Variants in TRIM36 observed in about 807,000 individuals in gnomAD.
TRIM36 encodes the protein E3 ubiquitin-protein ligase TRIM36.
TRIM36 carries 42 observed loss-of-function variants against 72.4 expected under a neutral mutation model. That is an observed-to-expected ratio of 0.58 (90% confidence interval 0.45 to 0.75). TRIM36 has a LOEUF of 0.75. Ranked by LOEUF, TRIM36 falls within the 30% of genes least tolerant of loss-of-function variation. The pLI is 0.00. For missense variants in TRIM36, 913 were observed against 857.1 expected (o/e 1.07, Z -0.81); for synonymous variants, 315 against 282.8 (o/e 1.11, Z -1.14).
At position 115,130,988 on chromosome 5, in the gene TRIM36, G is replaced by A. The variant is rs1426708406; in HGVS notation, c.1499-99C>T. 6 of 1,354,460 alleles carry A rather than the reference G, an allele frequency of 4.4e-6. No individual in the cohort carries two copies. In the East Asian group the frequency reaches 1.5e-4, roughly 33 times the overall value. 83.9% of individuals were successfully genotyped at this position (1,354,460 alleles called of 1,614,324 possible). A position where few individuals can be genotyped will look rare whatever the true frequency, so the allele number is the denominator to read the frequency against. ...TTACAGAAATTACTGAAGAGAGACA[G>A]GAAGCGGGAAGGAGGTGTCACACTA... On this transcript the variant is annotated intron_variant, in intron 8 of 9. Coordinates refer to ENST00000513154, the MANE Select transcript of TRIM36 (RefSeq NM_001300759.2).
chr5:115,138,159 G>A (rs1164602096), intron 5 of TRIM36, among the ~76,000 whole-genome samples: 2 of 152,174 alleles, frequency 1.3e-5, no homozygotes, highest in Non-Finnish European at 2.9e-5. Flanking sequence ...GAGTGCAGTG[G>A]TGCGATCTTG....
chr5:115,128,296 G>A (rs1468808919), intron 9 of TRIM36, among the ~76,000 whole-genome samples: 45 of 151,646 alleles, frequency 3.0e-4, no homozygotes, highest in Admixed American at 5.2e-4. Context: ...TTGAACCCAG[G>A]AGGTGGAGGT....
At chr5:115,133,757 G>T in intron 8 of TRIM36, 103 bp downstream of exon 8, 2 of 1,165,742 alleles carry the variant, frequency 1.7e-6, no homozygotes, top group Non-Finnish European at 2.3e-6. Flanking sequence ...AAAAACAAGA[G>T]CTGGTTTCAG....
At chr5:115,158,748 CA>C (rs1308278002) in intron 2 of TRIM36, among the ~76,000 whole-genome samples, 1 of 152,088 alleles carries the variant, frequency 6.6e-6, no homozygotes. Flanking sequence ...CCCTCTGAAC[CA>C]AAAATGGGTA....
chr5:115,177,526 A>C, intron 1 of TRIM36: 1 of 1,347,942 alleles, frequency 7.4e-7, no homozygotes, highest in African/African-American at 1.5e-5. Flanking sequence ...AAAGCAAGTC[A>C]GTCTCAAAGG....
intron 2 of TRIM36, chr5:115,148,221 A>G: frequency 8.4e-6 from 5 of 593,632 alleles, no homozygotes; most frequent in Non-Finnish European, 1.1e-5. Context: ...CCCCAAAAAC[A>G]CTACAAATAA....
intron 1 of TRIM36, among the ~76,000 whole-genome samples, chr5:115,165,157 T>C (rs1223548718): frequency 3.3e-5 from 5 of 152,318 alleles, no homozygotes; most frequent in East Asian, 1.9e-4. Flanking sequence ...ATGGCTGGCA[T>C]TGAGTATCTG....
chr5:115,146,346 C>A (rs1179247817), intron 3 of TRIM36, among the ~76,000 whole-genome samples: 1 of 152,116 alleles, frequency 6.6e-6, no homozygotes, highest in Non-Finnish European at 1.5e-5. Flanking sequence ...CTTAAAAATG[C>A]AAGTAGATTT....
At chr5:115,145,947 C>G (rs945441766) in intron 3 of TRIM36, among the ~76,000 whole-genome samples, 1 of 152,072 alleles carries the variant, frequency 6.6e-6, no homozygotes, top group Non-Finnish European at 1.5e-5. Context: ...TTTTGGACAC[C>G]GTTTTAGAAT....
In TRIM36 at chr5:115,147,200, G is replaced by A. The variant is rs781653960; in HGVS notation, c.457C>T (p.Gln153Ter). The A allele has an allele frequency of 6.2e-7, 1 of 1,614,164 alleles. No individual in the cohort carries two copies. Among genetic ancestry groups the A allele is most frequent in the Non-Finnish European group, 8.5e-7 (1 of 1,180,026 alleles). Residue 153 changes from glutamine (Q) to a stop codon, truncating the protein, a stop_gained, in exon 3 of 10, where the codon CAA becomes TAA. Coordinates refer to ENST00000513154, the MANE Select transcript of TRIM36 (RefSeq NM_001300759.2). LOFTEE classifies it high-confidence loss of function. ...TCCATGCAGCTTTTTGTGGATTCTTGAGGTGGTGGTTTACAAAGGTCACAC... is the reference window on the plus strand; with the variant it reads ...TCCATGCAGCTTTTTGTGGATTCTTAAGGTGGTGGTTTACAAAGGTCACAC... ...IMCDLCKPPP[Q>*]ESTKSCMDCS...
intron 5 of TRIM36, among the ~76,000 whole-genome samples, chr5:115,137,854 C>T (rs1753046397): frequency 6.6e-6 from 1 of 152,188 alleles, no homozygotes. Flanking sequence ...CAACTGACAA[C>T]TTTTATTCAG....
chr5:115,149,569 G>GGAA (rs1554063541), intron 2 of TRIM36: 1 of 19,264 alleles, frequency 5.2e-5, no homozygotes, highest in Non-Finnish European at 8.9e-5. Context: ...TCAGAAATTT[G>GGAA]AAAAAAAAAA....
At chr5:115,175,196 A>G (rs1755279374) in intron 1 of TRIM36, among the ~76,000 whole-genome samples, 1 of 152,108 alleles carries the variant, frequency 6.6e-6, no homozygotes, top group Non-Finnish European at 1.5e-5. Context: ...ATTCAAGTCT[A>G]CATCCTGTAT....
intron 1 of TRIM36, among the ~76,000 whole-genome samples, chr5:115,166,442 T>G (rs1017626970): frequency 7.4e-4 from 113 of 151,968 alleles, no homozygotes; most frequent in Admixed American, 1.9e-3. Context: ...CCACTCCGGG[T>G]CTCTTCTCTG....
At chr5:115,144,194 C>A (rs1437237651) in intron 4 of TRIM36, among the ~76,000 whole-genome samples, 1 of 152,052 alleles carries the variant, frequency 6.6e-6, no homozygotes, top group African/African-American at 2.4e-5. Flanking sequence ...GGTAAGTGTG[C>A]CACCAGAATG....
intron 1 of TRIM36, among the ~76,000 whole-genome samples, chr5:115,176,036 G>A (rs1194156866): frequency 6.6e-6 from 1 of 152,154 alleles, no homozygotes; most frequent in Non-Finnish European, 1.5e-5. Context: ...TGAGGTAGGA[G>A]AATCGCTTGA....
intron 2 of TRIM36, among the ~76,000 whole-genome samples, chr5:115,154,706 CA>C (rs1754082583): frequency 1.3e-5 from 2 of 152,094 alleles, no homozygotes; most frequent in African/African-American, 4.8e-5. Flanking sequence ...AAATTATCAA[CA>C]AAAAAAGTCC....
Position 115,163,589 on chromosome 5 carries a change from G to A in TRIM36, c.191C>T (p.Ser64Phe), listed in dbSNP as rs1283953561. Residue 64 changes from serine to phenylalanine, a missense_variant, in exon 2 of 10, where the codon TCC (serine) becomes TTC (phenylalanine). Ser to Phe is a radical substitution (Grantham distance 155, BLOSUM62 -2). Transcript: ENST00000513154. ...DSFNDVGSDN[S>F]NQSSPRLRLP... is the part of the protein sequence containing the mutation. The stretch of plus-strand genomic sequence containing the variant: ...CCGAAGTCGAGGACTGCTTTGATTG[G>A]AGTTGTCTGATCCCACATCGTTGAA... 1.9e-6 allele frequency: 3 copies of A among 1,614,162 alleles called. No homozygotes were observed.
chr5:115,146,684 C>T lies in TRIM36; in HGVS notation c.588+385G>A, dbSNP rs764029445. Among the ~76,000 whole-genome samples, 8 of 152,104 alleles carry T rather than the reference C, an allele frequency of 5.3e-5. No individual in the cohort carries two copies. In the East Asian group the frequency reaches 5.8e-4, roughly 11 times the overall value. ...AGCCAAATGCAACAAAAATATGTTT[C>T]GCAGTCAAACCTTTTAAGCAATTAT... On this transcript the variant is annotated intron_variant, in intron 3 of 9. Coordinates refer to ENST00000513154, the MANE Select transcript of TRIM36 (RefSeq NM_001300759.2).
Sources: allele counts gnomAD v4.1 joint callset (sites outside exome capture counted in the v4.1 genomes callset), GRCh38; gene constraint gnomAD v4.1.1; transcripts MANE v1.5; gene names NCBI Gene and HGNC (gene_info 2026-07-23, HGNC 2026-07-21).